Variants in GPC3 observed in about 807,000 individuals in gnomAD.
GPC3 encodes the protein glypican 3.
GPC3 carries 3 observed loss-of-function variants against 34.4 expected under a neutral mutation model. That is an observed-to-expected ratio of 0.09 (90% CI 0.04 to 0.23). The LOEUF (loss-of-function observed/expected upper bound fraction) is 0.23, where lower values mean the gene tolerates loss of function less well. Among genes scored for constraint, GPC3 ranks in the 10% least tolerant of loss-of-function variants. GPC3 has a pLI of 1.00. For synonymous variants in GPC3, 177 were observed against 174.0 expected, an observed-to-expected ratio of 1.02 and a Z score of -0.13; for missense variants, 351 against 445.6, an observed-to-expected ratio of 0.79 and a Z score of 1.91.
chrX:133,652,107 C>A (rs1455125659), intron 6 of GPC3, among the ~76,000 whole-genome samples: 1 of 112,085 alleles, frequency 8.9e-6, no homozygotes, highest in African/African-American at 3.2e-5. Context: ...TTTGTGGCTT[C>A]CAGAATCCAA....
intron 7 of GPC3, among the ~76,000 whole-genome samples, chrX:133,592,799 T>G (rs1020334709): frequency 9.0e-6 from 1 of 111,606 alleles, no homozygotes; most frequent in Non-Finnish European, 1.9e-5. Flanking sequence ...GATTTAATAG[T>G]CCTATAAAGT....
At chrX:133,843,601 A>G (rs1386140100) in intron 2 of GPC3, among the ~76,000 whole-genome samples, 1 of 110,884 alleles carries the variant, frequency 9.0e-6, no homozygotes, top group East Asian at 2.8e-4. Flanking sequence ...CTAATGCATG[A>G]CCCCATTAGA....
At chrX:133,658,904 GGAGAGAAAGAA>G (rs1332364830) in intron 6 of GPC3, among the ~76,000 whole-genome samples, 4 of 111,566 alleles carry the variant, frequency 3.6e-5, no homozygotes, top group Non-Finnish European at 5.6e-5. Context: ...AGACAATATG[GGAGAGAAAGAA>G]GAGATGCATC....
chrX:133,950,303 G>C lies in GPC3; in HGVS notation c.337+2747C>G, dbSNP rs181402889. Among the ~76,000 whole-genome samples the C allele has an allele frequency of 4.0e-3, 453 of 112,003 alleles. 5 individuals carry two copies. Among genetic ancestry groups the C allele is most frequent in the African/African-American group, 0.013 (399 of 30,874 alleles). The stretch of plus-strand genomic sequence containing the variant: ...AGAGCACTCCAACCACTGTAGCAAA[G>C]GGCCCCAGGCTCATTTATGAGGGCA... On this transcript the variant is annotated intron_variant, in intron 2 of 7. Transcript: ENST00000370818.
chrX:133,683,902 C>T (rs1239008094), intron 5 of GPC3, among the ~76,000 whole-genome samples: 2 of 111,869 alleles, frequency 1.8e-5, no homozygotes, highest in African/African-American at 6.5e-5. Flanking sequence ...AAAAATATGC[C>T]AATCTAAGTC....
At chrX:133,852,041 G>T (rs2075876118) in intron 2 of GPC3, among the ~76,000 whole-genome samples, 2 of 112,153 alleles carry the variant, frequency 1.8e-5, no homozygotes, top group African/African-American at 6.5e-5. Flanking sequence ...CCTAAGCAGA[G>T]GGACGAATTA....
intron 2 of GPC3, among the ~76,000 whole-genome samples, chrX:133,761,233 A>AT (rs763121348): frequency 8.9e-6 from 1 of 112,341 alleles, no homozygotes; most frequent in East Asian, 2.8e-4. Flanking sequence ...ATACTAAATG[A>AT]TTTTTTAGAA....
intron 7 of GPC3, among the ~76,000 whole-genome samples, chrX:133,568,377 C>G (rs5933328): frequency 0.34 from 37,737 of 111,247 alleles, 8,525 homozygotes; most frequent in African/African-American, 0.82. Context: ...AACAAGATGT[C>G]GTCTCTGTCC....
At chrX:133,876,753 A>G (rs1218571766) in intron 2 of GPC3, among the ~76,000 whole-genome samples, 1 of 112,148 alleles carries the variant, frequency 8.9e-6, no homozygotes, top group African/African-American at 3.2e-5. Flanking sequence ...GACATGGGGT[A>G]GATGTTTGTT....
intron 6 of GPC3, among the ~76,000 whole-genome samples, chrX:133,614,974 C>T (rs1479269817): frequency 2.7e-5 from 3 of 111,642 alleles, no homozygotes; most frequent in Non-Finnish European, 5.6e-5. Flanking sequence ...CCTACAAAGA[C>T]ACAAACTACT....
At chrX:133,593,308 G>A (rs1478105625) in intron 7 of GPC3, among the ~76,000 whole-genome samples, 4 of 92,444 alleles carry the variant, frequency 4.3e-5, no homozygotes, top group Admixed American at 2.5e-4. Flanking sequence ...ACTCCAGCCT[G>A]GGCAACACAG....
chrX:133,906,974 G>T lies in GPC3; in HGVS notation c.337+46076C>A, dbSNP rs183464708. On this transcript the variant is annotated intron_variant, in intron 2 of 7. Coordinates refer to ENST00000370818, the MANE Select transcript of GPC3 (RefSeq NM_004484.4). ...AAATTAGCTGGGCGTGGTGGCGGGC[G>T]CCTGTAGTCCCAGCTACTCGGGAGG... is the stretch of plus-strand genomic sequence containing the variant. 3.9e-3 allele frequency among the ~76,000 whole-genome samples: 423 copies of T among 109,853 alleles called. 1 individual carries two copies. Among genetic ancestry groups the T allele is most frequent in the Admixed American group, 6.3e-3 (65 of 10,291 alleles).
At chrX:133,974,179 C>A (rs953676640) in intron 1 of GPC3, among the ~76,000 whole-genome samples, 6 of 111,428 alleles carry the variant, frequency 5.4e-5, no homozygotes, top group Admixed American at 1.9e-4. Context: ...CCTCCTGAGT[C>A]ACAGAAACTG....
At chrX:133,712,222 T>C (rs752002571) in intron 3 of GPC3, among the ~76,000 whole-genome samples, 1 of 111,854 alleles carries the variant, frequency 8.9e-6, no homozygotes, top group East Asian at 2.8e-4. Context: ...TTCTGGCTCA[T>C]GGAAGAGAGG....
intron 5 of GPC3, among the ~76,000 whole-genome samples, chrX:133,689,419 T>C (rs2071040225): frequency 8.9e-6 from 1 of 111,808 alleles, no homozygotes; most frequent in African/African-American, 3.2e-5. Flanking sequence ...GAATCCACCA[T>C]TTGATAGAAG....
chrX:133,637,633 T>G (rs2070442397), intron 6 of GPC3, among the ~76,000 whole-genome samples: 1 of 110,870 alleles, frequency 9.0e-6, no homozygotes, highest in African/African-American at 3.3e-5. Context: ...TCTTTTGTAT[T>G]ATTTATTTGT....
chrX:133,800,924 T>C (rs2075606330), intron 2 of GPC3, among the ~76,000 whole-genome samples: 1 of 112,054 alleles, frequency 8.9e-6, no homozygotes, highest in Non-Finnish European at 1.9e-5. Context: ...GCAAGTCTTT[T>C]GTTCAAGCAC....
chrX:133,655,496 ACACACACACC>A (rs1411206509), intron 6 of GPC3, among the ~76,000 whole-genome samples: 10 of 108,117 alleles, frequency 9.2e-5, no homozygotes, highest in South Asian at 4.0e-4. Flanking sequence ...ACACACACAC[ACACACACACC>A]CACACACACA....
chrX:133,551,318 C>T (rs2069431313), intron 7 of GPC3, among the ~76,000 whole-genome samples: 1 of 111,882 alleles, frequency 8.9e-6, no homozygotes, highest in African/African-American at 3.2e-5. Context: ...TGCAGTCACA[C>T]ATGCCGGCAC....
Sources: gnomAD v4.1 joint callset for allele counts (sites outside exome capture counted in the v4.1 genomes callset) on GRCh38, gnomAD v4.1.1 for gene constraint, MANE v1.5 for transcripts, NCBI Gene and HGNC (gene_info 2026-07-23, HGNC 2026-07-21) for gene names.